Variants in MYLK observed in about 807,000 individuals in gnomAD.
The protein encoded by MYLK is myosin light chain kinase.
In MYLK, 106 loss-of-function variants were observed where a neutral mutation model predicts 203.4. That is an observed-to-expected ratio of 0.52 (90% CI 0.45 to 0.61). The LOEUF is 0.61. Ranked by LOEUF, MYLK falls within the 20% of genes least tolerant of loss-of-function variation. The pLI, the probability that MYLK is intolerant of heterozygous loss-of-function variation, is 0.00. For synonymous variants in MYLK, 867 were observed against 959.5 expected, an observed-to-expected ratio of 0.90 and a Z score of 1.78; for missense variants, 2,072 against 2,442.3, an observed-to-expected ratio of 0.85 and a Z score of 3.20.
At chr3:123,698,233 C>T (rs1160154201) in intron 18 of MYLK, among the ~76,000 whole-genome samples, 3 of 152,092 alleles carry the variant, frequency 2.0e-5, no homozygotes, top group East Asian at 1.9e-4. Flanking sequence ...CCATGGGCAG[C>T]GCCAAGCCTG....
At chr3:123,650,731 TGTTGGAGA>T (rs1451690710) in intron 24 of MYLK, among the ~76,000 whole-genome samples, 2 of 152,114 alleles carry the variant, frequency 1.3e-5, no homozygotes, top group Non-Finnish European at 2.9e-5. Flanking sequence ...TAAATCCACA[TGTTGGAGA>T]GTTAAGAGTG....
intron 18 of MYLK, among the ~76,000 whole-genome samples, chr3:123,697,185 T>G (rs1337262149): frequency 6.6e-6 from 1 of 152,234 alleles, no homozygotes; most frequent in African/African-American, 2.4e-5. Flanking sequence ...AGGGACCTGC[T>G]TAAATGGTGA....
At chr3:123,724,868 G>A (rs1021368218) in intron 12 of MYLK, among the ~76,000 whole-genome samples, 8 of 151,938 alleles carry the variant, frequency 5.3e-5, no homozygotes, top group Admixed American at 3.3e-4. Flanking sequence ...CCTAGCCTCC[G>A]GAGTAGCTGG....
chr3:123,859,696 G>A (rs994592033), intron 2 of MYLK, among the ~76,000 whole-genome samples: 2 of 152,148 alleles, frequency 1.3e-5, no homozygotes, highest in Admixed American at 6.5e-5. Context: ...ATAGAAAAAT[G>A]AGCCAAGGAC....
intron 13 of MYLK, among the ~76,000 whole-genome samples, chr3:123,721,139 T>A (rs2062071653): frequency 6.6e-6 from 1 of 152,168 alleles, no homozygotes. Flanking sequence ...AAGCCACAAA[T>A]GTTTCTTCCC....
Position 123,734,002 on chromosome 3 carries a change from C to T in MYLK, c.994G>A (p.Ala332Thr). Residue 332 changes from alanine (A) to threonine (T), a missense_variant, in exon 10 of 34, where the codon GCC becomes ACC. Transcript: ENST00000360304. ...LESCKDSPRT[A>T]PQTPVLQKTS... is the part of the protein sequence containing the mutation. The stretch of plus-strand genomic sequence containing the variant: ...TTCTGAAGGACCGGGGTCTGCGGGG[C>T]CGTTCTGGGCGAGTCCTTGCATGAC... 6.2e-7 allele frequency: 1 copy of T among 1,614,176 alleles called. No individual in the cohort carries two copies. Among genetic ancestry groups the T allele is most frequent in the Non-Finnish European group, 8.5e-7 (1 of 1,180,040 alleles).
Position 123,667,126 on chromosome 3 carries a change from T to G in MYLK, c.3703+11A>C. On this transcript the variant is annotated intron_variant, in intron 21 of 33. Transcript: ENST00000360304. ...ACTTCTTTGACCCCAGATAGTGCCG[T>G]GGCCAATTACCTGCCTTCGGAGGTG... 1.2e-6 allele frequency: 2 copies of G among 1,613,708 alleles called. No individual in the cohort carries two copies. The highest frequency in any genetic ancestry group is 1.7e-6 in the Non-Finnish European group (2 of 1,179,608).
chr3:123,657,321 A>T lies in MYLK; in HGVS notation c.4093T>A (p.Ser1365Thr), dbSNP rs747543921. The T allele has an allele frequency of 7.4e-6, 12 of 1,613,750 alleles. No individual in the cohort carries two copies. The highest frequency in any genetic ancestry group is 9.3e-6 in the Non-Finnish European group (11 of 1,179,862). Residue 1365 changes from serine (S) to threonine (T), a missense_variant, in exon 24 of 34, where the codon TCC becomes ACC. By Grantham distance (58) the Ser-to-Thr change is moderately conservative (BLOSUM62 1). Around this residue, in one of 3 missense-constraint regions of MYLK, gnomAD observed 524 missense variants for 782.4 expected, o/e 0.67. Coordinates refer to ENST00000360304, the MANE Select transcript of MYLK (RefSeq NM_053025.4). ...GAGTCCCAGATCTCGATGCTGTAGG[A>T]CTGTACAGCACTGCCCCCATCATAT... ...SSYDGGSAVQ[S>T]YSIEIWDSAN... is the part of the protein sequence containing the mutation.
intron 4 of MYLK, among the ~76,000 whole-genome samples, 168 bp from the exon 5 acceptor site, chr3:123,752,706 A>G (rs1484470026): frequency 6.6e-6 from 1 of 152,082 alleles, no homozygotes; most frequent in African/African-American, 2.4e-5. Flanking sequence ...AGTTTTGGCA[A>G]TTTCCCAAGG....
intron 3 of MYLK, among the ~76,000 whole-genome samples, chr3:123,814,492 C>T (rs545301689): frequency 7.9e-5 from 12 of 152,260 alleles, no homozygotes; most frequent in Admixed American, 1.3e-4. Flanking sequence ...GTCGTGAGTA[C>T]GATTACAAAT....
rs1458706041 is a variant in MYLK, at chr3:123,614,312, G to GTCA, written c.5535_5537dup (p.Asp1846dup). 6.2e-7 allele frequency: 1 copy of GTCA among 1,614,018 alleles called. No homozygotes were observed. The highest frequency in any genetic ancestry group is 1.3e-5 in the African/African-American group (1 of 74,896). ...AGTGGCGGGACTCCCTGATTGACTGGTCATCTTTGAACCAGACAACCTCGG... is the reference window on the plus strand; with the variant it reads ...AGTGGCGGGACTCCCTGATTGACTGGTCATCATCTTTGAACCAGACAACCTCGG... On this transcript the variant is annotated inframe_insertion, in exon 34 of 34. Coordinates refer to ENST00000360304, the MANE Select transcript of MYLK (RefSeq NM_053025.4).
At chr3:123,767,158 T>C (rs952458390) in intron 4 of MYLK, among the ~76,000 whole-genome samples, 1 of 152,166 alleles carries the variant, frequency 6.6e-6, no homozygotes, top group Admixed American at 6.5e-5. Context: ...GGAGGAAGAA[T>C]TGGCGGGGGC....
intron 3 of MYLK, among the ~76,000 whole-genome samples, chr3:123,817,601 G>C (rs2065791786): frequency 6.6e-6 from 1 of 152,208 alleles, no homozygotes; most frequent in Non-Finnish European, 1.5e-5. Context: ...GACAAGGAAA[G>C]AGTGAATCAC....
At chr3:123,841,090 T>C (rs73857531) in intron 2 of MYLK, among the ~76,000 whole-genome samples, 50 of 152,208 alleles carry the variant, frequency 3.3e-4, no homozygotes, top group African/African-American at 1.2e-3. Context: ...CAGATTTCTA[T>C]TGAATAAAAG....
intron 24 of MYLK, among the ~76,000 whole-genome samples, 179 bp from the exon 25 acceptor site, chr3:123,649,373 T>A (rs1366052334): frequency 1.3e-5 from 2 of 152,174 alleles, no homozygotes; most frequent in Non-Finnish European, 2.9e-5. Flanking sequence ...TAGGGCCCAG[T>A]GCAGACTGGC....
intron 2 of MYLK, among the ~76,000 whole-genome samples, chr3:123,844,787 C>G (rs1313512475): frequency 6.7e-6 from 1 of 150,276 alleles, no homozygotes; most frequent in Admixed American, 6.7e-5. Flanking sequence ...TGTGTGTCAC[C>G]ATTTCTGGGT....
At chr3:123,713,957 C>G (rs893584811) in intron 13 of MYLK, among the ~76,000 whole-genome samples, 6 of 152,064 alleles carry the variant, frequency 3.9e-5, no homozygotes, top group African/African-American at 1.2e-4. Context: ...GGCACACAAG[C>G]AGTATAAAAA....
At chr3:123,660,105 T>G (rs1051379832) in intron 23 of MYLK, among the ~76,000 whole-genome samples, 1 of 152,212 alleles carries the variant, frequency 6.6e-6, no homozygotes. Context: ...TCTACCTGGA[T>G]AATCCTAGCC....
chr3:123,866,000 G>A (rs1439350369), intron 2 of MYLK, among the ~76,000 whole-genome samples: 2 of 152,192 alleles, frequency 1.3e-5, no homozygotes, highest in South Asian at 4.1e-4. Flanking sequence ...AGGTATCCCA[G>A]CTGAGCCCAG....
Sources: allele counts gnomAD v4.1 joint callset (sites outside exome capture counted in the v4.1 genomes callset), GRCh38; gene constraint gnomAD v4.1.1; regional missense constraint gnomAD v4.1.1; transcripts MANE v1.5; gene names NCBI Gene and HGNC (gene_info 2026-07-23, HGNC 2026-07-21).